Variants in ADGRV1 observed in about 807,000 individuals in gnomAD.
ADGRV1 encodes the protein G-protein coupled receptor 98.
In ADGRV1, 359 loss-of-function variants were observed where a neutral mutation model predicts 596.2. The ratio of observed to expected loss-of-function variants is 0.60; its 90% CI spans 0.55 to 0.66. The LOEUF (loss-of-function observed/expected upper bound fraction) is 0.66. Ranked by LOEUF, ADGRV1 falls within the 30% of genes least tolerant of loss-of-function variation. ADGRV1 has a pLI of 0.00. For missense variants in ADGRV1, 7,274 were observed against 7,575.6 expected (o/e 0.96, Z 1.48); for synonymous variants, 2,681 against 2,679.2 (o/e 1.00, Z -0.02).
Position 90,810,374 on chromosome 5 carries a change from T to A in ADGRV1, c.15114T>A (p.Ile5038=), listed in dbSNP as rs1255264351. 1 of 1,613,828 alleles carries A rather than the reference T, an allele frequency of 6.2e-7. No individual in the cohort carries two copies. The highest frequency in any genetic ancestry group is 8.5e-7 in the Non-Finnish European group (1 of 1,179,836). The change falls in exon 74 of 90, where the codon ATT becomes ATA. Residue 5038 remains isoleucine (I), a synonymous_variant. Transcript: ENST00000405460. The part of the protein sequence containing the change: ...QRLFGFHSDL[I]KVSYQTTAGS... ...TATTTGGGTTCCACAGCGATCTTATTAAAGTTTCTTATCAGACCACTGCAG... is the reference window on the plus strand; with the variant it reads ...TATTTGGGTTCCACAGCGATCTTATAAAAGTTTCTTATCAGACCACTGCAG...
rs181773125 is a variant in ADGRV1 at position 90,559,998 on chromosome 5, C to T, written c.22+1081C>T. On this transcript the variant is annotated intron_variant, in intron 1 of 89. Transcript: ENST00000405460. The stretch of plus-strand genomic sequence containing the variant: ...TTCATAGAGTAAGTGGCGAACTATT[C>T]CGCCTATATAATTTGAGAAAAATGT... Among the ~76,000 whole-genome samples, 205 of 152,166 alleles carry T rather than the reference C, an allele frequency of 1.3e-3. 4 individuals are homozygous for T. The highest frequency in any genetic ancestry group is 6.8e-3 in the Middle Eastern group (2 of 294).
chr5:91,001,411 T>C (rs1429810433), intron 85 of ADGRV1, among the ~76,000 whole-genome samples: 1 of 152,166 alleles, frequency 6.6e-6, no homozygotes, highest in Admixed American at 6.6e-5. Context: ...GCAGTGAAAG[T>C]ATTATGTCAT....
In ADGRV1 at chr5:90,802,870, T is replaced by G. The variant is rs1261509243; in HGVS notation, c.14649T>G (p.Ala4883=). The part of the protein sequence containing the change: ...KSAVLPVSEK[A]ANSQVGFEST... Reference sequence around the variant, plus strand: ...CTGTCCTTCCAGTCTCTGAGAAAGCTGCCAATTCTCAGGTAATTGGCCCTG... The same window carrying G: ...CTGTCCTTCCAGTCTCTGAGAAAGCGGCCAATTCTCAGGTAATTGGCCCTG... Residue 4883 remains alanine, a synonymous_variant, in exon 71 of 90, where the codon GCT becomes GCG. Coordinates refer to ENST00000405460, the MANE Select transcript of ADGRV1 (RefSeq NM_032119.4). 1 of 1,606,196 alleles carries G rather than the reference T, an allele frequency of 6.2e-7. No homozygotes were observed. Among genetic ancestry groups the G allele is most frequent in the East Asian group, 2.2e-5 (1 of 44,720 alleles).
At chr5:90,911,513 A>T (rs958066663) in intron 83 of ADGRV1, among the ~76,000 whole-genome samples, 1 of 152,230 alleles carries the variant, frequency 6.6e-6, no homozygotes, top group Non-Finnish European at 1.5e-5. Flanking sequence ...CTAATCTACA[A>T]TGTTGTTTTA....
intron 29 of ADGRV1, among the ~76,000 whole-genome samples, chr5:90,687,761 A>C (rs1745879088): frequency 6.6e-6 from 1 of 152,160 alleles, no homozygotes; most frequent in African/African-American, 2.4e-5. Flanking sequence ...AATAACAGAC[A>C]AACAGAGAGC....
intron 83 of ADGRV1, among the ~76,000 whole-genome samples, chr5:90,944,451 C>G (rs1249732237): frequency 1.3e-5 from 2 of 151,988 alleles, no homozygotes; most frequent in African/African-American, 4.8e-5. Flanking sequence ...ATTGGTTTGC[C>G]TGGTTTTGAA....
At chr5:90,821,661 TGGAATAGCCTGCC>T in intron 75 of ADGRV1, among the ~76,000 whole-genome samples, 1 of 151,734 alleles carries the variant, frequency 6.6e-6, no homozygotes, top group Non-Finnish European at 1.5e-5. Context: ...GCAGGTCTGT[TGGAATAGCCTGCC>T]GTGTGAGGTG....
intron 85 of ADGRV1, among the ~76,000 whole-genome samples, chr5:91,058,928 C>T (rs1463292338): frequency 6.6e-6 from 1 of 152,214 alleles, no homozygotes; most frequent in East Asian, 1.9e-4. Context: ...AGTCTCCTGA[C>T]TACCCCAACT....
Position 90,675,411 on chromosome 5 carries a change from T to C in ADGRV1, c.5279T>C (p.Val1760Ala), listed in dbSNP as rs2149549863. Residue 1760 changes from valine to alanine, a missense_variant, in exon 24 of 90, where the codon GTG becomes GCG. Transcript: ENST00000405460. ...AGGGTGACTGCGGAATTTAGAACAG[T>C]GTCCTTGACAGCATTCAGTCCTGAG... ...LGRVTAEFRT[V>A]SLTAFSPEDY... 2 of 1,613,770 alleles carry C rather than the reference T, an allele frequency of 1.2e-6. No individual in the cohort carries two copies. The highest frequency in any genetic ancestry group is 4.5e-5 in the East Asian group (2 of 44,886).
chr5:91,093,200 T>C (rs936770717), intron 86 of ADGRV1, among the ~76,000 whole-genome samples: 1 of 152,200 alleles, frequency 6.6e-6, no homozygotes, highest in Non-Finnish European at 1.5e-5. Context: ...CCCAACAGGC[T>C]CAAAAGTGAT....
chr5:90,645,259 G>A (rs886893665), intron 15 of ADGRV1, among the ~76,000 whole-genome samples: 13 of 152,196 alleles, frequency 8.5e-5, no homozygotes, highest in Admixed American at 7.9e-4. Flanking sequence ...CTTACAGATA[G>A]TAAAGAGAAA....
At chr5:90,976,233 T>TATATATATATAC (rs1554185047) in intron 84 of ADGRV1, among the ~76,000 whole-genome samples, 3 of 146,444 alleles carry the variant, frequency 2.0e-5, no homozygotes, top group African/African-American at 7.6e-5. Flanking sequence ...TATATATATA[T>TATATATATATAC]ACACAATGTA....
At chr5:91,023,478 A>G (rs1351880575) in intron 85 of ADGRV1, among the ~76,000 whole-genome samples, 1 of 152,122 alleles carries the variant, frequency 6.6e-6, no homozygotes. Context: ...GAAAAGGTAT[A>G]TATGTGCTCT....
At chr5:90,922,880 A>C (rs1224649032) in intron 83 of ADGRV1, among the ~76,000 whole-genome samples, 3 of 152,166 alleles carry the variant, frequency 2.0e-5, no homozygotes, top group Non-Finnish European at 4.4e-5. Flanking sequence ...GGTCTCCTGT[A>C]GGCCTTAAGT....
intron 83 of ADGRV1, chr5:90,929,092 T>G (rs1774908050): frequency 1.3e-5 from 2 of 151,728 alleles, no homozygotes; most frequent in East Asian, 3.9e-4. Flanking sequence ...TTTGTTTGTC[T>G]GTGCCCTGCC....
chr5:91,056,604 T>C (rs962733032), intron 85 of ADGRV1, among the ~76,000 whole-genome samples: 1 of 152,116 alleles, frequency 6.6e-6, no homozygotes, highest in Non-Finnish European at 1.5e-5. Flanking sequence ...CCAATGACAG[T>C]AGAATGGTCG....
intron 84 of ADGRV1, among the ~76,000 whole-genome samples, chr5:90,968,485 C>T (rs931371525): frequency 2.6e-5 from 4 of 152,192 alleles, no homozygotes; most frequent in Admixed American, 6.5e-5. Flanking sequence ...CAATTAGATT[C>T]TGGATGGCTA....
In ADGRV1 at chr5:90,728,950, T is replaced by G. The variant is rs1303967078; in HGVS notation, c.10426+17T>G. On this transcript the variant is annotated intron_variant, in intron 49 of 89. Transcript: ENST00000405460. ...TCTTTCTAGGTGAGAAGATAAAGTA[T>G]TTGTAGTGTATATATAATTATTGAA... is the stretch of plus-strand genomic sequence containing the variant. 1 of 1,532,336 alleles carries G rather than the reference T, an allele frequency of 6.5e-7. No homozygotes were observed. The highest frequency in any genetic ancestry group is 2.3e-5 in the East Asian group (1 of 44,418). 94.9% of individuals were successfully genotyped at this position (1,532,336 alleles called of 1,614,324 possible).
intron 87 of ADGRV1, among the ~76,000 whole-genome samples, chr5:91,118,683 A>T (rs1009558235): frequency 1.3e-5 from 2 of 152,060 alleles, no homozygotes; most frequent in African/African-American, 2.4e-5. Context: ...AAAATCTCCC[A>T]TGCCTCTCAT....
Sources: allele counts gnomAD v4.1 joint callset (sites outside exome capture counted in the v4.1 genomes callset), GRCh38; gene constraint gnomAD v4.1.1; transcripts MANE v1.5; gene names NCBI Gene and HGNC (gene_info 2026-07-23, HGNC 2026-07-21).